Variants in RAB6B observed in about 807,000 individuals in gnomAD.
RAB6B encodes the protein ras-related protein Rab-6B.
Under a neutral mutation model 31.2 loss-of-function variants are expected in RAB6B, and 7 were observed. The ratio of observed to expected loss-of-function variants is 0.22; its 90% confidence interval spans 0.13 to 0.42. The LOEUF is 0.42. Among genes scored for constraint, RAB6B ranks in the 10% least tolerant of loss-of-function variants. RAB6B has a pLI of 1.00. For missense variants in RAB6B, 149 were observed against 280.6 expected (o/e 0.53, Z 3.35); for synonymous variants, 105 against 104.9 (o/e 1.00, Z -0.01).
chr3:133,829,181 C>G (rs1208885965), intron 7 of RAB6B, among the ~76,000 whole-genome samples: 1 of 152,196 alleles, frequency 6.6e-6, no homozygotes, highest in Non-Finnish European at 1.5e-5. Flanking sequence ...CAGCCCTGGC[C>G]TCAGCCCAGT....
intron 6 of RAB6B, among the ~76,000 whole-genome samples, chr3:133,834,958 G>C (rs1329429926): frequency 6.6e-6 from 1 of 152,206 alleles, no homozygotes; most frequent in Non-Finnish European, 1.5e-5. Flanking sequence ...ACTTCCTCTG[G>C]TGCAGAAAAT....
intron 1 of RAB6B, among the ~76,000 whole-genome samples, chr3:133,867,318 A>G (rs1210650105): frequency 1.3e-5 from 2 of 152,196 alleles, no homozygotes; most frequent in South Asian, 4.1e-4. Context: ...TTCCAGGCAC[A>G]TAGTAGGGGC....
At chr3:133,892,516 C>T (rs1376105929) in intron 1 of RAB6B, among the ~76,000 whole-genome samples, 1 of 152,182 alleles carries the variant, frequency 6.6e-6, no homozygotes, top group Non-Finnish European at 1.5e-5. Context: ...TGCTCCACAC[C>T]CTGGTCCATG....
chr3:133,889,844 G>A (rs1028251326), intron 1 of RAB6B, among the ~76,000 whole-genome samples: 1 of 152,082 alleles, frequency 6.6e-6, no homozygotes. Flanking sequence ...TTACATCTAC[G>A]CAGCCAGAAC....
At chr3:133,837,320 T>C (rs1280703950) in intron 6 of RAB6B, among the ~76,000 whole-genome samples, 1 of 152,200 alleles carries the variant, frequency 6.6e-6, no homozygotes, top group African/African-American at 2.4e-5. Flanking sequence ...TCGACATTTG[T>C]GCTTCCTTAT....
In RAB6B at chr3:133,827,834, G is replaced by C; in HGVS notation, c.*954C>G. ...CATCCAGGAGGAAGGCTTCAGGATG[G>C]CACACTGCCCAACATCACACACTGA... On this transcript the variant is annotated 3_prime_UTR_variant, in exon 8 of 8. Transcript: ENST00000285208. 2 of 561,034 alleles carry C rather than the reference G, an allele frequency of 3.6e-6. No individual in the cohort carries two copies. The highest frequency in any genetic ancestry group is 6.6e-6 in the Non-Finnish European group (2 of 301,830). 34.8% of individuals were successfully genotyped at this position (561,034 alleles called of 1,614,324 possible). A position where few individuals can be genotyped will look rare whatever the true frequency, so the allele number is the denominator to read the frequency against.
chr3:133,828,915 G>C, intron 7 of RAB6B, 63 bp from the exon 8 acceptor site: 1 of 1,429,056 alleles, frequency 7.0e-7, no homozygotes, highest in Non-Finnish European at 9.6e-7. Flanking sequence ...ACTTAGCCCT[G>C]TGCACTGTAC....
intron 6 of RAB6B, among the ~76,000 whole-genome samples, chr3:133,837,765 C>T (rs41272331): frequency 1.3e-3 from 192 of 152,326 alleles, no homozygotes; most frequent in Non-Finnish European, 2.3e-3. Context: ...ACTTGCTAAG[C>T]GCAAGGCATG....
intron 2 of RAB6B, among the ~76,000 whole-genome samples, chr3:133,853,398 A>T (rs188037181): frequency 4.8e-3 from 730 of 152,090 alleles, no homozygotes; most frequent in Non-Finnish European, 5.0e-3. Context: ...ATATGCACAT[A>T]GCCCAGCAAT....
chr3:133,839,617 T>G lies in RAB6B; in HGVS notation c.290A>C (p.Asn97Thr), dbSNP rs772157331. The part of the protein sequence containing the change: ...TVAVVVYDIT[N>T]LNSFQQTSKW... ...AGAGGTCTGTTGGAAGGAGTTGAGATCTGGAGGCAGAAAGTGAGGATAAAC... is the reference window on the plus strand; with the variant it reads ...AGAGGTCTGTTGGAAGGAGTTGAGAGCTGGAGGCAGAAAGTGAGGATAAAC... The change falls in exon 5 of 8, where the codon AAT becomes ACT. Residue 97 changes from asparagine to threonine, a missense_variant and splice_region_variant. This residue lies in a region of RAB6B where 75 missense variants were observed against 180.1 expected (regional missense o/e 0.42). Coordinates refer to ENST00000285208, the MANE Select transcript of RAB6B (RefSeq NM_016577.4). 6 of 1,607,880 alleles carry G rather than the reference T, an allele frequency of 3.7e-6. No individual in the cohort carries two copies. The highest frequency in any genetic ancestry group is 5.1e-6 in the Non-Finnish European group (6 of 1,174,464).
chr3:133,880,939 G>C (rs1009115382), intron 1 of RAB6B, among the ~76,000 whole-genome samples: 1 of 152,202 alleles, frequency 6.6e-6, no homozygotes, highest in African/African-American at 2.4e-5. Flanking sequence ...TGACTCTGGG[G>C]TGGAAAATGC....
At chr3:133,839,029 G>C (rs1935781926) in intron 5 of RAB6B, among the ~76,000 whole-genome samples, 1 of 152,248 alleles carries the variant, frequency 6.6e-6, no homozygotes, top group South Asian at 2.1e-4. Flanking sequence ...CCACAAACCA[G>C]GCTAAGCAGG....
At chr3:133,838,064 A>G in intron 6 of RAB6B, 102 bp downstream of exon 6, 3 of 1,245,450 alleles carry the variant, frequency 2.4e-6, no homozygotes, top group Admixed American at 1.7e-5. Flanking sequence ...CCCCAATCCC[A>G]TCACCAGCCC....
At position 133,872,732 on chromosome 3, in the gene RAB6B, G is replaced by A. The variant is rs149084341; in HGVS notation, c.71-8090C>T. Among the ~76,000 whole-genome samples the A allele has an allele frequency of 9.2e-5, 14 of 152,332 alleles. No homozygotes were observed. The East Asian group carries it at 1.2e-3, about 13-fold the overall frequency. On this transcript the variant is annotated intron_variant, in intron 1 of 7. Transcript: ENST00000285208. ...CACCGTAGGCTAAATGAGGAAACACGTGAAAAACCCCATTTCAAACCATCC... is the reference window on the plus strand; with the variant it reads ...CACCGTAGGCTAAATGAGGAAACACATGAAAAACCCCATTTCAAACCATCC...
At chr3:133,842,173 G>A (rs760979887) in intron 2 of RAB6B, among the ~76,000 whole-genome samples, 1 of 152,226 alleles carries the variant, frequency 6.6e-6, no homozygotes, top group Non-Finnish European at 1.5e-5. Context: ...GCTTTTCTCA[G>A]GTGCGGGCAC....
chr3:133,842,770 C>T (rs544983795), intron 2 of RAB6B, among the ~76,000 whole-genome samples: 53 of 152,358 alleles, frequency 3.5e-4, no homozygotes, highest in African/African-American at 1.2e-3. Context: ...AATAGCATCA[C>T]GGTCTGAATA....
intron 2 of RAB6B, among the ~76,000 whole-genome samples, chr3:133,845,474 G>A (rs1935896788): frequency 6.6e-6 from 1 of 152,202 alleles, no homozygotes; most frequent in Non-Finnish European, 1.5e-5. Flanking sequence ...ATCTGCTGGA[G>A]CCTTGATCTT....
intron 4 of RAB6B, among the ~76,000 whole-genome samples, chr3:133,840,704 C>A (rs115861597): frequency 3.9e-5 from 6 of 152,062 alleles, no homozygotes; most frequent in Non-Finnish European, 8.8e-5. Context: ...TCTGCCTCGG[C>A]CCCCCACCCC....
In RAB6B at chr3:133,838,217, C is replaced by G. The variant is rs1935770344; in HGVS notation, c.444G>C (p.Leu148=). ...IEEGEQRAKE[L]SVMFIETSAK... The stretch of plus-strand genomic sequence containing the variant: ...CACTGGTCTCAATGAACATGACGCT[C>G]AGTTCTTTGGCGCGCTGCTCCCCCT... The change falls in exon 6 of 8, where the codon CTG becomes CTC. Residue 148 remains leucine, a synonymous_variant. Coordinates refer to ENST00000285208, the MANE Select transcript of RAB6B (RefSeq NM_016577.4). 1 of 1,614,108 alleles carries G rather than the reference C, an allele frequency of 6.2e-7. No homozygotes were observed. The highest frequency in any genetic ancestry group is 1.7e-5 in the Admixed American group (1 of 60,006).
Sources: gnomAD v4.1 joint callset for allele counts (sites outside exome capture counted in the v4.1 genomes callset) on GRCh38, gnomAD v4.1.1 for gene constraint, gnomAD v4.1.1 regional missense constraint, MANE v1.5 for transcripts, NCBI Gene and HGNC (gene_info 2026-07-23, HGNC 2026-07-21) for gene names.